The following XPO7 variants were observed in gnomAD, a reference collection of about 807,000 sequenced individuals.
XPO7 encodes the protein exportin-7.
A neutral mutation model predicts 144.3 loss-of-function variants in XPO7; 21 were observed. The ratio of observed to expected loss-of-function variants is 0.15; its 90% CI spans 0.10 to 0.21. The LOEUF (loss-of-function observed/expected upper bound fraction) is 0.21. Ranked by LOEUF, XPO7 falls within the 10% of genes least tolerant of loss-of-function variation. XPO7 has a pLI of 1.00. For synonymous variants in XPO7, 580 were observed against 499.6 expected (o/e 1.16, Z -2.15); for missense variants, 808 against 1,325.8 (o/e 0.61, Z 6.06).
intron 5 of XPO7, 61 bp downstream of exon 5, chr8:21,972,002 T>C (rs1383956726): frequency 6.6e-7 from 1 of 1,515,328 alleles, no homozygotes; most frequent in South Asian, 1.1e-5. Context: ...TATTGGTGTT[T>C]TCTGCTGTGT....
At chr8:21,948,813 G>T (rs2117284681) in intron 1 of XPO7, among the ~76,000 whole-genome samples, 1 of 152,236 alleles carries the variant, frequency 6.6e-6, no homozygotes, top group South Asian at 2.1e-4. Context: ...CACACCAGAA[G>T]GCATCACAGG....
At chr8:21,936,047 C>G (rs766178500) in intron 1 of XPO7, among the ~76,000 whole-genome samples, 1 of 152,136 alleles carries the variant, frequency 6.6e-6, no homozygotes, top group Non-Finnish European at 1.5e-5. Context: ...CATAAAATAA[C>G]AACAGTATTT....
chr8:22,002,510 A>C (rs1223856529), intron 25 of XPO7, among the ~76,000 whole-genome samples: 2 of 152,134 alleles, frequency 1.3e-5, no homozygotes, highest in Admixed American at 1.3e-4. Context: ...TATGCCCTGG[A>C]CCTGTCTCAT....
At position 21,984,945 on chromosome 8, in the gene XPO7, C is replaced by G. The variant is rs937976602; in HGVS notation, c.1471+106C>G. The G allele has an allele frequency of 1.9e-5, 23 of 1,236,588 alleles. No individual in the cohort carries two copies. The Middle Eastern group carries it at 1.1e-3, about 59-fold the overall frequency. The allele number at this position is 1,236,588 out of a possible 1,614,324, so 76.6% of individuals were successfully genotyped here. ...CTACCTCCCTGCAAAAGGATTCTTT[C>G]ATCATCTGTTGTCTCCATATGCACA... On this transcript the variant is annotated intron_variant, in intron 12 of 27. Coordinates refer to ENST00000252512, the MANE Select transcript of XPO7 (RefSeq NM_015024.5).
At chr8:21,998,159 A>G (rs146055817) in intron 21 of XPO7, among the ~76,000 whole-genome samples, 131 of 152,274 alleles carry the variant, frequency 8.6e-4, no homozygotes, top group African/African-American at 3.1e-3. Context: ...ACTTTAATCA[A>G]GGCCGGGCAC....
intron 1 of XPO7, among the ~76,000 whole-genome samples, chr8:21,929,299 A>T (rs1294902765): frequency 1.3e-5 from 2 of 152,250 alleles, no homozygotes; most frequent in Non-Finnish European, 2.9e-5. Flanking sequence ...GGATGTCGAT[A>T]AAAATAAGCT....
rs149362125 is a variant in XPO7 at position 21,974,824 on chromosome 8, G to A, written c.597+50G>A. ...TTCCCAGTTTCTTTTGAAAGAATGA[G>A]AATGGATGGGAACTTGTTAAATGTC... On this transcript the variant is annotated intron_variant, in intron 6 of 27. Transcript: ENST00000252512. The A allele has an allele frequency of 1.7e-4, 241 of 1,390,182 alleles. No homozygotes were observed. In the African/African-American group the frequency reaches 3.2e-3, roughly 19 times the overall value. The allele number at this position is 1,390,182 out of a possible 1,614,324, so 86.1% of individuals were successfully genotyped here. A position where few individuals can be genotyped will look rare whatever the true frequency, so the allele number is the denominator to read the frequency against.
Position 21,988,985 on chromosome 8 carries a change from T to C in XPO7, c.1788-18T>C. On this transcript the variant is annotated intron_variant, in intron 15 of 27. Coordinates refer to ENST00000252512, the MANE Select transcript of XPO7 (RefSeq NM_015024.5). ...ATCAAAAGGGTCTCCTGCTTTTTTTTTTCTTTTTGTCCTCCAGCATCACCA... is the reference window on the plus strand; with the variant it reads ...ATCAAAAGGGTCTCCTGCTTTTTTTCTTCTTTTTGTCCTCCAGCATCACCA... 6.2e-6 allele frequency: 10 copies of C among 1,609,630 alleles called. No homozygotes were observed. The highest frequency in any genetic ancestry group is 1.1e-5 in the South Asian group (1 of 89,866).
Position 21,974,671 on chromosome 8 carries a change from C to T in XPO7, c.494C>T (p.Ala165Val), listed in dbSNP as rs1252296142. 1 of 1,579,862 alleles carries T rather than the reference C, an allele frequency of 6.3e-7. No homozygotes were observed. The highest frequency in any genetic ancestry group is 8.6e-7 in the Non-Finnish European group (1 of 1,163,084). ...TTGGTTTCTTCTTTTTCTGCACAGG[C>T]AGACACCACCCATCCTTTAACCAAG... ...LSQLTNEINQ[A>V]DTTHPLTKHR... Residue 165 changes from alanine (A) to valine (V), a missense_variant and splice_region_variant, in exon 6 of 28, where the codon GCA (alanine) becomes GTA (valine). By Grantham distance (64) the Ala-to-Val change is moderately conservative. This residue lies in a region of XPO7 where 223 missense variants were observed against 368.8 expected (regional missense o/e 0.60). Transcript: ENST00000252512.
intron 11 of XPO7, among the ~76,000 whole-genome samples, chr8:21,983,290 G>A (rs1247184346): frequency 6.6e-6 from 1 of 152,142 alleles, no homozygotes; most frequent in East Asian, 1.9e-4. Flanking sequence ...ATTCATACAT[G>A]GTTTCTGTCT....
At chr8:21,996,755 G>A (rs926695154) in intron 21 of XPO7, among the ~76,000 whole-genome samples, 5 of 151,994 alleles carry the variant, frequency 3.3e-5, no homozygotes, top group African/African-American at 4.8e-5. Context: ...CTCTCATGGC[G>A]GTCCTGAGAG....
chr8:21,922,679 A>G (rs1030634621), intron 1 of XPO7, among the ~76,000 whole-genome samples: 1 of 152,184 alleles, frequency 6.6e-6, no homozygotes, highest in African/African-American at 2.4e-5. Flanking sequence ...GCTGGTGTTC[A>G]GGAGCTCGAG....
At chr8:21,985,999 A>C (rs1384572705) in intron 13 of XPO7, among the ~76,000 whole-genome samples, 3 of 152,358 alleles carry the variant, frequency 2.0e-5, no homozygotes, top group African/African-American at 7.2e-5. Context: ...TTGCCATCCC[A>C]AAATAAGTCT....
chr8:21,976,510 G>C lies in XPO7; in HGVS notation c.752G>C (p.Ser251Thr), dbSNP rs753093781. The change falls in exon 7 of 28, where the codon AGC becomes ACC. Residue 251 changes from serine (S) to threonine (T), a missense_variant. By Grantham distance (58) the Ser-to-Thr change is moderately conservative. This residue lies in a region of XPO7 where 223 missense variants were observed against 368.8 expected (regional missense o/e 0.60). Transcript: ENST00000252512. ...DDLCTVQIPTSWRSAFLDSST... is the reference protein window; with the variant it reads ...DDLCTVQIPTTWRSAFLDSST... Reference sequence around the variant, plus strand: ...CTGTGTACAGTGCAGATTCCCACCAGCTGGAGATCAGGTAACAGAACTTCC... The same window carrying C: ...CTGTGTACAGTGCAGATTCCCACCACCTGGAGATCAGGTAACAGAACTTCC... 3 of 1,611,406 alleles carry C rather than the reference G, an allele frequency of 1.9e-6. No individual in the cohort carries two copies. The highest frequency in any genetic ancestry group is 2.5e-6 in the Non-Finnish European group (3 of 1,178,498).
intron 1 of XPO7, among the ~76,000 whole-genome samples, chr8:21,923,536 G>C (rs950602660): frequency 6.6e-6 from 1 of 152,078 alleles, no homozygotes; most frequent in African/African-American, 2.4e-5. Flanking sequence ...TGATTACTCT[G>C]ACTTTAGTAT....
At chr8:21,996,404 G>A (rs1234912061) in intron 21 of XPO7, among the ~76,000 whole-genome samples, 2 of 152,292 alleles carry the variant, frequency 1.3e-5, no homozygotes, top group African/African-American at 4.8e-5. Flanking sequence ...GACAGAGCAA[G>A]ACCCTGTCTC....
intron 1 of XPO7, among the ~76,000 whole-genome samples, chr8:21,951,903 G>C (rs1414678468): frequency 6.6e-6 from 1 of 152,190 alleles, no homozygotes; most frequent in Non-Finnish European, 1.5e-5. Context: ...ATCCCTAGAA[G>C]TGATGAAGAG....
At chr8:21,921,878 C>A (rs1810300550) in intron 1 of XPO7, among the ~76,000 whole-genome samples, 1 of 152,032 alleles carries the variant, frequency 6.6e-6, no homozygotes, top group Non-Finnish European at 1.5e-5. Context: ...TTTTCTTTGT[C>A]AGACCACTAA....
intron 24 of XPO7, among the ~76,000 whole-genome samples, chr8:22,000,963 G>A (rs929173844): frequency 9.9e-5 from 15 of 152,230 alleles, no homozygotes; most frequent in South Asian, 4.1e-4. Context: ...GTGCATAGCC[G>A]TATCTAGTAC....
Sources: allele counts gnomAD v4.1 joint callset (sites outside exome capture counted in the v4.1 genomes callset), GRCh38; gene constraint gnomAD v4.1.1; regional missense constraint gnomAD v4.1.1; transcripts MANE v1.5; gene names NCBI Gene and HGNC (gene_info 2026-07-23, HGNC 2026-07-21).